The following FDPS variants were observed in gnomAD, a reference collection of about 807,000 sequenced individuals.
The protein encoded by FDPS is farnesyl pyrophosphate synthase.
A neutral mutation model predicts 49.5 loss-of-function variants in FDPS; 29 were observed. The ratio of observed to expected loss-of-function variants is 0.59; its 90% CI spans 0.44 to 0.80. The LOEUF (loss-of-function observed/expected upper bound fraction) is 0.80. Among genes scored for constraint, FDPS ranks in the 30% least tolerant of loss-of-function variants. The pLI, the probability that FDPS is intolerant of heterozygous loss-of-function variation, is 0.00. For synonymous variants in FDPS, 172 were observed against 206.4 expected, an observed-to-expected ratio of 0.83 and a Z score of 1.43; for missense variants, 414 against 525.6, an observed-to-expected ratio of 0.79 and a Z score of 2.08.
chr1:155,313,467 A>G lies in FDPS; in HGVS notation c.480+1072A>G, dbSNP rs149574239. 3.3e-3 allele frequency among the ~76,000 whole-genome samples: 501 copies of G among 152,328 alleles called. 3 individuals carry two copies. Among genetic ancestry groups the G allele is most frequent in the African/African-American group, 0.012 (483 of 41,564 alleles). Reference sequence around the variant, plus strand: ...ACGATGATGCTGAGTGCCTGGCCTGAGAGGAGCAGCTGGCTCAAGGGAAGA... The same window carrying G: ...ACGATGATGCTGAGTGCCTGGCCTGGGAGGAGCAGCTGGCTCAAGGGAAGA... On this transcript the variant is annotated intron_variant, in intron 4 of 10. Transcript: ENST00000368356.
rs191891605 is a variant in FDPS at position 155,310,271 on chromosome 1, A to G, written c.339+66A>G. On this transcript the variant is annotated intron_variant, in intron 3 of 10. Coordinates refer to ENST00000368356, the MANE Select transcript of FDPS (RefSeq NM_002004.4). The stretch of plus-strand genomic sequence containing the variant: ...GTTGCTCTGTACCTGTGTGGCATTC[A>G]CCTGTGGCTTATGGGGGACTTTTGA... The G allele has an allele frequency of 1.6e-4, 238 of 1,490,390 alleles. 1 individual carries two copies. In the East Asian group the frequency reaches 5.4e-3, roughly 34 times the overall value. 92.3% of individuals were successfully genotyped at this position (1,490,390 alleles called of 1,614,324 possible).
intron 4 of FDPS, among the ~76,000 whole-genome samples, chr1:155,313,520 G>C (rs191856430): frequency 6.6e-6 from 1 of 152,226 alleles, no homozygotes; most frequent in Non-Finnish European, 1.5e-5. Flanking sequence ...GCCCGGGTAC[G>C]TTCTTGGTAT....
In FDPS at chr1:155,320,594, C is replaced by T. The variant is rs939609485; in HGVS notation, c.1245C>T (p.Tyr415=). The T allele has an allele frequency of 1.2e-6, 2 of 1,614,086 alleles. No individual in the cohort carries two copies. Among genetic ancestry groups the T allele is most frequent in the Admixed American group, 3.3e-5 (2 of 60,006 alleles). The part of the protein sequence containing the change: ...AVFLGLARKI[Y]KRRK ...TTCTGGGGCTTGCGCGCAAAATCTACAAGCGGAGAAAGTGACCTAGAGATT... is the reference window on the plus strand; with the variant it reads ...TTCTGGGGCTTGCGCGCAAAATCTATAAGCGGAGAAAGTGACCTAGAGATT... The change falls in exon 11 of 11, where the codon TAC becomes TAT. Residue 415 remains tyrosine (Y), a synonymous_variant. Coordinates refer to ENST00000368356, the MANE Select transcript of FDPS (RefSeq NM_002004.4).
Position 155,320,540 on chromosome 1 carries a change from G to C in FDPS, c.1191G>C (p.Gln397His), listed in dbSNP as rs1356681526. The change falls in exon 11 of 11, where the codon CAG becomes CAC. Residue 397 changes from glutamine to histidine, a missense_variant. By Grantham distance (24) the Gln-to-His change is conservative (BLOSUM62 0). Transcript: ENST00000368356. ...GCCACATTATGGCTCTCATTGAACA[G>C]TACGCAGCACCCCTGCCCCCAGCCG... ...SYSHIMALIE[Q>H]YAAPLPPAVF... 3.1e-6 allele frequency: 5 copies of C among 1,614,188 alleles called. No individual in the cohort carries two copies. Among genetic ancestry groups the C allele is most frequent in the Non-Finnish European group, 4.2e-6 (5 of 1,180,040 alleles).
chr1:155,309,736 GGT>G (rs922225554), intron 1 of FDPS, 51 bp from the exon 2 acceptor site: 2 of 1,428,428 alleles, frequency 1.4e-6, no homozygotes, highest in African/African-American at 2.8e-5. Context: ...CTCTGCCTTT[GGT>G]GCTTGCCCCT....
In FDPS at chr1:155,319,919, G is replaced by T. The variant is rs759075926; in HGVS notation, c.1050G>T (p.Gln350His). Residue 350 changes from glutamine (Q) to histidine (H), a missense_variant, in exon 10 of 11, where the codon CAG becomes CAT. Transcript: ENST00000368356. ...CLQRATPEQY[Q>H]ILKENYGQKE... is the part of the protein sequence containing the mutation. ...AACGGGCCACTCCAGAACAGTACCA[G>T]ATCCTGAAGGTGCCTGAGAGAGGGT... 6.2e-7 allele frequency: 1 copy of T among 1,614,060 alleles called. No individual in the cohort carries two copies. Among genetic ancestry groups the T allele is most frequent in the Admixed American group, 1.7e-5 (1 of 60,026 alleles).
At position 155,318,194 on chromosome 1, in the gene FDPS, A is replaced by G. The variant is rs780485073; in HGVS notation, c.587A>G (p.Asn196Ser). Reference sequence around the variant, plus strand: ...CCGGGCGTGGGTTTGGATGCCATCAATGATGCTAACCTCCTGGAAGCATGT... The same window carrying G: ...CCGGGCGTGGGTTTGGATGCCATCAGTGATGCTAACCTCCTGGAAGCATGT... ...QKPGVGLDAINDANLLEACIY... is the reference protein window; with the variant it reads ...QKPGVGLDAISDANLLEACIY... The change falls in exon 6 of 11, where the codon AAT (asparagine) becomes AGT (serine). Residue 196 changes from asparagine to serine, a missense_variant. Physicochemically the swap from Asn to Ser is conservative, Grantham distance 46. Coordinates refer to ENST00000368356, the MANE Select transcript of FDPS (RefSeq NM_002004.4). The surrounding 1 kb of genome is among the most constrained non-coding windows in gnomAD (Gnocchi z 4.2). 6.2e-6 allele frequency: 10 copies of G among 1,614,134 alleles called. No homozygotes were observed. The East Asian group carries it at 1.8e-4, about 29-fold the overall frequency.
At position 155,319,029 on chromosome 1, in the gene FDPS, CTG is replaced by C. The variant is rs1422039710; in HGVS notation, c.846+106_846+107del. ...GAACACTGCTACCCCTGGTGAAAAA[CTG>C]TGTGACCTTGAGCAAGTCGGTCTCG... is the stretch of plus-strand genomic sequence containing the variant. On this transcript the variant is annotated intron_variant, in intron 8 of 10. Coordinates refer to ENST00000368356, the MANE Select transcript of FDPS (RefSeq NM_002004.4). 165 of 859,120 alleles carry C rather than the reference CTG, an allele frequency of 1.9e-4. 1 individual carries two copies. The East Asian group carries it at 3.8e-3, about 20-fold the overall frequency. 53.2% of individuals were successfully genotyped at this position (859,120 alleles called of 1,614,324 possible). A position where few individuals can be genotyped will look rare whatever the true frequency, so the allele number is the denominator to read the frequency against.
chr1:155,315,726 G>T (rs1417074369), intron 4 of FDPS, among the ~76,000 whole-genome samples: 1 of 151,904 alleles, frequency 6.6e-6, no homozygotes, highest in Non-Finnish European at 1.5e-5. Flanking sequence ...AATTAGCCAG[G>T]CGTGGAGGCA....
intron 3 of FDPS, among the ~76,000 whole-genome samples, chr1:155,310,610 C>T (rs1474189901): frequency 1.3e-5 from 2 of 152,112 alleles, no homozygotes; most frequent in South Asian, 2.1e-4. Flanking sequence ...CGCGCCTGGC[C>T]GAGAAAGCTT....
Position 155,318,441 on chromosome 1 carries a change from G to A in FDPS, c.684+150G>A. ...AGGAAGGGTGTTGGGAAGTGGGGTT[G>A]TGGTAGTGGCAAGAAAGGGCTTCTC... On this transcript the variant is annotated intron_variant, in intron 6 of 10. Coordinates refer to ENST00000368356, the MANE Select transcript of FDPS (RefSeq NM_002004.4). The surrounding 1 kb of genome is among the most constrained non-coding windows in gnomAD (Gnocchi z 4.2). 9.5e-7 allele frequency: 1 copy of A among 1,051,016 alleles called. No homozygotes were observed. Among genetic ancestry groups the A allele is most frequent in the South Asian group, 1.4e-5 (1 of 70,900 alleles). 65.1% of individuals were successfully genotyped at this position (1,051,016 alleles called of 1,614,324 possible).
At chr1:155,314,449 G>T (rs891333014) in intron 4 of FDPS, among the ~76,000 whole-genome samples, 1 of 152,020 alleles carries the variant, frequency 6.6e-6, no homozygotes, top group East Asian at 1.9e-4. Flanking sequence ...AAAGTGTTGG[G>T]ATTACAGGCG....
At position 155,318,377 on chromosome 1, in the gene FDPS, G is replaced by C. The variant is rs138824278; in HGVS notation, c.684+86G>C. ...GACATGCTCATCTAGCTGGTTTCAGGGTACAGGATTGCAGCGTGCCTGGAA... is the reference window on the plus strand; with the variant it reads ...GACATGCTCATCTAGCTGGTTTCAGCGTACAGGATTGCAGCGTGCCTGGAA... On this transcript the variant is annotated intron_variant, in intron 6 of 10. Coordinates refer to ENST00000368356, the MANE Select transcript of FDPS (RefSeq NM_002004.4). This position sits in a 1 kb window ranked among gnomAD's most constrained non-coding sequence, Gnocchi z 4.2. 267 of 1,551,318 alleles carry C rather than the reference G, an allele frequency of 1.7e-4. 2 individuals carry two copies. The East Asian group carries it at 5.8e-3, about 34-fold the overall frequency.
At chr1:155,320,330 T>C (rs888818829) in intron 10 of FDPS, 79 bp from the exon 11 acceptor site, 1 of 1,179,578 alleles carries the variant, frequency 8.5e-7, no homozygotes, top group East Asian at 2.5e-5. Flanking sequence ...TTCTGGAATA[T>C]GTGAATGAGG....
intron 4 of FDPS, chr1:155,317,110 C>G (rs1450241756): frequency 6.6e-6 from 1 of 152,200 alleles, no homozygotes; most frequent in Non-Finnish European, 1.5e-5. Flanking sequence ...AGGTCAAAGT[C>G]AGATTTCAGT....
chr1:155,309,868 C>A lies in FDPS; in HGVS notation c.79C>A (p.Leu27Met). 1 of 1,589,482 alleles carries A rather than the reference C, an allele frequency of 6.3e-7. No homozygotes were observed. The highest frequency in any genetic ancestry group is 8.6e-7 in the Non-Finnish European group (1 of 1,166,796). ...APYWAPRERW[L>M]GSLRRPSLVH... is the part of the protein sequence containing the mutation. Reference sequence around the variant, plus strand: ...CTACTGGGCACCCCGGGAGAGGTGGCTGGGTTCCCTACGGCGGCCCTCCCT... The same window carrying A: ...CTACTGGGCACCCCGGGAGAGGTGGATGGGTTCCCTACGGCGGCCCTCCCT... Residue 27 changes from leucine (L) to methionine (M), a missense_variant, in exon 2 of 11, where the codon CTG (leucine) becomes ATG (methionine). Leu to Met is a conservative substitution (Grantham distance 15). Coordinates refer to ENST00000368356, the MANE Select transcript of FDPS (RefSeq NM_002004.4).
Position 155,319,792 on chromosome 1 carries a change from A to G in FDPS, c.925-2A>G, listed in dbSNP as rs1473048748. 6.2e-7 allele frequency: 1 copy of G among 1,614,026 alleles called. No individual in the cohort carries two copies. On this transcript the variant is annotated splice_acceptor_variant, in intron 9 of 10. Coordinates refer to ENST00000368356, the MANE Select transcript of FDPS (RefSeq NM_002004.4). LOFTEE classifies it high-confidence loss of function. ...TTTGCTGCCCTCCCCCTCCCTGCCC[A>G]GGATGATTACCTTGACCTCTTTGGG... is the stretch of plus-strand genomic sequence containing the variant.
intron 4 of FDPS, among the ~76,000 whole-genome samples, chr1:155,316,064 G>A (rs996457696): frequency 1.3e-5 from 2 of 151,966 alleles, no homozygotes; most frequent in East Asian, 1.9e-4. Flanking sequence ...AGACCAGCCT[G>A]ACCAACATGG....
At position 155,318,957 on chromosome 1, in the gene FDPS, T is replaced by A; in HGVS notation, c.846+29T>A. Reference sequence around the variant, plus strand: ...AGTGAGCCTCCTCACCCCTCTCTGCTCTGCTGATGGGGGCTTTTGGACAGC... The same window carrying A: ...AGTGAGCCTCCTCACCCCTCTCTGCACTGCTGATGGGGGCTTTTGGACAGC... On this transcript the variant is annotated intron_variant, in intron 8 of 10. Coordinates refer to ENST00000368356, the MANE Select transcript of FDPS (RefSeq NM_002004.4). The surrounding 1 kb of genome is among the most constrained non-coding windows in gnomAD (Gnocchi z 4.2). The A allele has an allele frequency of 6.5e-7, 1 of 1,533,360 alleles. No individual in the cohort carries two copies. Among genetic ancestry groups the A allele is most frequent in the Non-Finnish European group, 9.0e-7 (1 of 1,107,476 alleles). 95.0% of individuals were successfully genotyped at this position (1,533,360 alleles called of 1,614,324 possible). A position where few individuals can be genotyped will look rare whatever the true frequency, so the allele number is the denominator to read the frequency against.
Sources: gnomAD v4.1 joint callset for allele counts (sites outside exome capture counted in the v4.1 genomes callset) on GRCh38, gnomAD v4.1.1 for gene constraint, Gnocchi (gnomAD v3.1) non-coding constraint, MANE v1.5 for transcripts, NCBI Gene and HGNC (gene_info 2026-07-23, HGNC 2026-07-21) for gene names.